Variants in COLGALT2 observed in about 807,000 individuals in gnomAD.
The protein encoded by COLGALT2 is procollagen galactosyltransferase 2.
In COLGALT2, 49 loss-of-function variants were observed where a neutral mutation model predicts 73.4. The ratio of observed to expected loss-of-function variants is 0.67; its 90% CI spans 0.53 to 0.85. The LOEUF (loss-of-function observed/expected upper bound fraction) is 0.85, where lower values mean the gene tolerates loss of function less well. COLGALT2 is among the 40% of genes least tolerant of loss of function. The probability of loss-of-function intolerance (pLI) is 0.00; values close to 1 mark genes in which losing one functional copy is unlikely to be tolerated. For synonymous variants in COLGALT2, 295 were observed against 307.6 expected, an observed-to-expected ratio of 0.96 and a Z score of 0.43; for missense variants, 722 against 790.2, an observed-to-expected ratio of 0.91 and a Z score of 1.03.
intron 6 of COLGALT2, among the ~76,000 whole-genome samples, chr1:183,957,953 T>C (rs1332543278): frequency 6.6e-6 from 1 of 152,128 alleles, no homozygotes; most frequent in African/African-American, 2.4e-5. Context: ...AAAATGTCAA[T>C]ACTGAGAGCA....
intron 1 of COLGALT2, among the ~76,000 whole-genome samples, chr1:184,006,421 C>T (rs149947918): frequency 3.0e-4 from 45 of 151,952 alleles, no homozygotes; most frequent in Admixed American, 9.2e-4. Flanking sequence ...CTCGTCTCTA[C>T]TAAAAATACA....
At chr1:183,959,191 C>T (rs559521325) in intron 6 of COLGALT2, among the ~76,000 whole-genome samples, 39 of 152,264 alleles carry the variant, frequency 2.6e-4, no homozygotes, top group Non-Finnish European at 4.6e-4. Context: ...GTTTTGTCTT[C>T]CCCAGGGATC....
chr1:183,978,369 G>A (rs777347801), intron 2 of COLGALT2, 41 bp downstream of exon 2: 14 of 1,089,852 alleles, frequency 1.3e-5, no homozygotes, highest in Admixed American at 5.2e-5. Context: ...TAAAGAGGAA[G>A]GGTAAATAAT....
At chr1:183,953,754 T>C (rs1432769217) in intron 7 of COLGALT2, among the ~76,000 whole-genome samples, 4 of 152,174 alleles carry the variant, frequency 2.6e-5, no homozygotes, top group Non-Finnish European at 5.9e-5. Flanking sequence ...CTTCCCCACT[T>C]AATAATCATG....
intron 7 of COLGALT2, 57 bp from the exon 8 acceptor site, chr1:183,951,170 C>T: frequency 1.6e-6 from 2 of 1,286,920 alleles, no homozygotes; most frequent in Non-Finnish European, 2.3e-6. Flanking sequence ...TTCTTTTAGG[C>T]TGTTTGAAAA....
intron 1 of COLGALT2, among the ~76,000 whole-genome samples, chr1:184,003,366 G>T (rs1168443671): frequency 8.7e-6 from 1 of 114,832 alleles, no homozygotes; most frequent in Non-Finnish European, 1.6e-5. Flanking sequence ...CTGCCATGCT[G>T]TGAGGAAGCC....
At chr1:183,998,215 C>T (rs146733925) in intron 1 of COLGALT2, among the ~76,000 whole-genome samples, 161 of 152,268 alleles carry the variant, frequency 1.1e-3, no homozygotes, top group African/African-American at 3.4e-3. Context: ...TGCTGAGAAA[C>T]GATACATTAT....
chr1:184,037,331 G>A lies in COLGALT2; in HGVS notation c.27C>T (p.Leu9=), dbSNP rs537285579. 102 of 1,495,882 alleles carry A rather than the reference G, an allele frequency of 6.8e-5. No individual in the cohort carries two copies. In the African/African-American group the frequency reaches 1.4e-3, roughly 21 times the overall value. 92.7% of individuals were successfully genotyped at this position (1,495,882 alleles called of 1,614,324 possible). A position where few individuals can be genotyped will look rare whatever the true frequency, so the allele number is the denominator to read the frequency against. The change falls in exon 1 of 12, where the codon CTC becomes CTT. Residue 9 remains leucine, a synonymous_variant. Transcript: ENST00000361927. ...AGGAGAGGAGCAGTAGCGACCAGGC[G>A]AGGGTGGCAGCAGGGCGCGCAGCCA... is the stretch of plus-strand genomic sequence containing the variant. MAARPAAT[L]AWSLLLLSSA...
At chr1:184,029,309 C>A (rs1649430117) in intron 1 of COLGALT2, among the ~76,000 whole-genome samples, 1 of 152,242 alleles carries the variant, frequency 6.6e-6, no homozygotes, top group Non-Finnish European at 1.5e-5. Flanking sequence ...GTAATACAAT[C>A]CTGATCCTTT....
At chr1:183,935,244 C>T (rs538740251), downstream of COLGALT2, among the ~76,000 whole-genome samples, 1 of 152,350 alleles carries the variant, frequency 6.6e-6, no homozygotes, top group African/African-American at 2.4e-5. Context: ...ATAAAACCAT[C>T]CTGTTTGGCA....
chr1:184,001,130 G>A (rs1671913514), intron 1 of COLGALT2, among the ~76,000 whole-genome samples: 1 of 152,164 alleles, frequency 6.6e-6, no homozygotes, highest in Non-Finnish European at 1.5e-5. Context: ...ACCACGCCAG[G>A]CCTATTTCAG....
Position 183,963,982 on chromosome 1 carries a change from A to G in COLGALT2, c.871T>C (p.Tyr291His). 1 of 1,613,654 alleles carries G rather than the reference A, an allele frequency of 6.2e-7. No homozygotes were observed. Among genetic ancestry groups the G allele is most frequent in the Non-Finnish European group, 8.5e-7 (1 of 1,179,762 alleles). The change falls in exon 6 of 12, where the codon TAC becomes CAC. Residue 291 changes from tyrosine (Y) to histidine (H), a missense_variant. By Grantham distance (83) the Tyr-to-His change is moderately conservative (BLOSUM62 2). Transcript: ENST00000361927. ...MYLCNREHYG[Y>H]LPIPLKPHQT... ...TGGGGCTTCAGGGGGATGGGCAGGT[A>G]GCCATAGTGCTCTCTGTTGCAGAGG...
chr1:183,976,901 A>G (rs3010047), intron 2 of COLGALT2, among the ~76,000 whole-genome samples: 95,848 of 152,022 alleles, frequency 0.63, 32,214 homozygotes, highest in Non-Finnish European at 0.77. Flanking sequence ...TAGGATAAGA[A>G]TTAGTTATAA....
chr1:183,970,192 C>T (rs903517952), intron 4 of COLGALT2, among the ~76,000 whole-genome samples: 2 of 152,214 alleles, frequency 1.3e-5, no homozygotes, highest in African/African-American at 4.8e-5. Flanking sequence ...GCTTCTGAAA[C>T]GTCCTTCTGC....
chr1:183,986,762 T>C (rs1233072929), intron 1 of COLGALT2, among the ~76,000 whole-genome samples: 1 of 152,234 alleles, frequency 6.6e-6, no homozygotes, highest in Non-Finnish European at 1.5e-5. Context: ...ACTAAGTTAC[T>C]CATTATCTTT....
intron 7 of COLGALT2, 81 bp downstream of exon 7, chr1:183,954,681 A>C: frequency 9.0e-7 from 1 of 1,113,756 alleles, no homozygotes; most frequent in Non-Finnish European, 1.3e-6. Context: ...TCTCAGATGC[A>C]AGCTCAGGCT....
intron 1 of COLGALT2, among the ~76,000 whole-genome samples, chr1:184,018,964 G>A (rs1649091681): frequency 6.6e-6 from 1 of 152,164 alleles, no homozygotes. Context: ...ATTATAATTC[G>A]TGTTTTATTA....
At chr1:184,030,193 C>T (rs765498526) in intron 1 of COLGALT2, among the ~76,000 whole-genome samples, 2 of 152,076 alleles carry the variant, frequency 1.3e-5, no homozygotes, top group Non-Finnish European at 2.9e-5. Context: ...TTTTTAAAAA[C>T]TAACAATTTT....
At chr1:184,023,542 A>AAACACCAG in intron 1 of COLGALT2, among the ~76,000 whole-genome samples, 1 of 152,072 alleles carries the variant, frequency 6.6e-6, no homozygotes, top group East Asian at 1.9e-4. Context: ...ACTGAGCAAA[A>AAACACCAG]AACACCAGTA....
Sources: gnomAD v4.1 joint callset for allele counts (sites outside exome capture counted in the v4.1 genomes callset) on GRCh38, gnomAD v4.1.1 for gene constraint, MANE v1.5 for transcripts, NCBI Gene and HGNC (gene_info 2026-07-23, HGNC 2026-07-21) for gene names.